Variants in CCDC148 observed in about 807,000 individuals in gnomAD.
CCDC148 encodes the protein coiled-coil domain containing 148.
Under a neutral mutation model 85.7 loss-of-function variants are expected in CCDC148, and 89 were observed. That is an observed-to-expected ratio of 1.04 (90% CI 0.87 to 1.24). The LOEUF (loss-of-function observed/expected upper bound fraction) is 1.24, where lower values mean the gene tolerates loss of function less well. Among genes scored for constraint, CCDC148 ranks in the 50% most tolerant of loss-of-function variants. The pLI is 0.00. For missense variants in CCDC148, 692 were observed against 671.7 expected (o/e 1.03, Z -0.33); for synonymous variants, 230 against 213.9 (o/e 1.08, Z -0.66).
At chr2:158,409,470 G>A (rs1686166864) in intron 1 of CCDC148, among the ~76,000 whole-genome samples, 1 of 152,208 alleles carries the variant, frequency 6.6e-6, no homozygotes, top group African/African-American at 2.4e-5. Flanking sequence ...TGCCCCGCTG[G>A]ATTTCAGACT....
intron 11 of CCDC148, among the ~76,000 whole-genome samples, chr2:158,210,707 G>T (rs547096158): frequency 6.6e-6 from 1 of 150,424 alleles, no homozygotes; most frequent in East Asian, 2.0e-4. Flanking sequence ...ACTTTGGGAG[G>T]CCGAGGCAGG....
chr2:158,334,994 C>T (rs888663591), intron 7 of CCDC148, among the ~76,000 whole-genome samples: 26 of 152,034 alleles, frequency 1.7e-4, no homozygotes, highest in Non-Finnish European at 3.1e-4. Flanking sequence ...TATTGAATTA[C>T]GGATGTTTTT....
At chr2:158,198,664 C>CT (rs997363463) in intron 11 of CCDC148, among the ~76,000 whole-genome samples, 12 of 151,456 alleles carry the variant, frequency 7.9e-5, no homozygotes, top group South Asian at 4.2e-4. Context: ...GCTTCAAGGT[C>CT]TTTTTTTTTC....
chr2:158,378,512 T>C (rs1383774834), intron 1 of CCDC148, among the ~76,000 whole-genome samples: 3 of 152,148 alleles, frequency 2.0e-5, no homozygotes, highest in Non-Finnish European at 4.4e-5. Context: ...CACTAAACAA[T>C]AGATTTTCAG....
chr2:158,444,941 A>G (rs1186829015), intron 1 of CCDC148, among the ~76,000 whole-genome samples: 1 of 152,126 alleles, frequency 6.6e-6, no homozygotes, highest in Non-Finnish European at 1.5e-5. Context: ...GTTAATGTAA[A>G]GTAGAAATAA....
chr2:158,358,617 T>C (rs1304143546), intron 1 of CCDC148, 47 bp from the exon 2 acceptor site: 1 of 1,361,812 alleles, frequency 7.3e-7, no homozygotes, highest in East Asian at 2.7e-5. Flanking sequence ...AATATCATGT[T>C]ATTGGAAGTC....
At chr2:158,399,448 C>A (rs1014910501) in intron 1 of CCDC148, among the ~76,000 whole-genome samples, 1 of 152,080 alleles carries the variant, frequency 6.6e-6, no homozygotes, top group Non-Finnish European at 1.5e-5. Context: ...CAGATTCATC[C>A]CTGGGATGCA....
At chr2:158,299,418 A>G (rs1255675663) in intron 9 of CCDC148, among the ~76,000 whole-genome samples, 1 of 152,104 alleles carries the variant, frequency 6.6e-6, no homozygotes, top group East Asian at 1.9e-4. Flanking sequence ...CCCAAATTGT[A>G]TTTGCCTTTG....
At chr2:158,309,737 A>G in intron 8 of CCDC148, 98 bp from the exon 9 acceptor site, 1 of 894,456 alleles carries the variant, frequency 1.1e-6, no homozygotes, top group Non-Finnish European at 1.7e-6. Context: ...ATTATAACCA[A>G]TGATTTTGAA....
intron 1 of CCDC148, among the ~76,000 whole-genome samples, chr2:158,412,112 G>A (rs1686286714): frequency 6.6e-6 from 1 of 152,160 alleles, no homozygotes; most frequent in South Asian, 2.1e-4. Flanking sequence ...GGTCCTGATG[G>A]TGACAACTAC....
chr2:158,351,682 T>A (rs1683303034), intron 2 of CCDC148, among the ~76,000 whole-genome samples: 1 of 152,016 alleles, frequency 6.6e-6, no homozygotes, highest in Non-Finnish European at 1.5e-5. Context: ...CTTGATTAGG[T>A]AAACAAAGCA....
chr2:158,203,700 A>C (rs1686085740), intron 11 of CCDC148, among the ~76,000 whole-genome samples: 1 of 152,224 alleles, frequency 6.6e-6, no homozygotes, highest in Non-Finnish European at 1.5e-5. Context: ...AAGGAATTAA[A>C]AAAAGGAAAA....
At chr2:158,406,641 G>GTTTTTGTTTTTTTTTTTA (rs1466275410) in intron 1 of CCDC148, among the ~76,000 whole-genome samples, 1 of 12,194 alleles carries the variant, frequency 8.2e-5, no homozygotes, top group African/African-American at 3.1e-4. Flanking sequence ...TTTTTTTTTT[G>GTTTTTGTTTTTTTTTTTA]AGACAGTGTC....
At chr2:158,369,708 T>C (rs1016470708) in intron 1 of CCDC148, among the ~76,000 whole-genome samples, 2 of 152,132 alleles carry the variant, frequency 1.3e-5, no homozygotes, top group African/African-American at 2.4e-5. Context: ...CAATACTATG[T>C]TGAACAGGAG....
intron 1 of CCDC148, among the ~76,000 whole-genome samples, chr2:158,444,831 A>G (rs1688094378): frequency 6.6e-6 from 1 of 151,590 alleles, no homozygotes; most frequent in South Asian, 2.1e-4. Flanking sequence ...AAGTTGATAA[A>G]ATGCTGGTGA....
At chr2:158,181,808 G>A (rs938536732) in intron 11 of CCDC148, among the ~76,000 whole-genome samples, 1 of 152,008 alleles carries the variant, frequency 6.6e-6, no homozygotes, top group Non-Finnish European at 1.5e-5. Context: ...GGGCTGGACT[G>A]TGGGGGTTTT....
In CCDC148 at chr2:158,443,515, A is replaced by AAAAAAAAAGAAAAGAAAAG. The variant is rs1553524472; in HGVS notation, c.25+12899_25+12900insCTTTTCTTTTCTTTTTTTT. ...CAAGTCTATCTCAAAAAAAAAAAAA[A>AAAAAAAAAGAAAAGAAAAG]AAAAAAAAGAAAAGGAAAAAAAGTG... On this transcript the variant is annotated intron_variant, in intron 1 of 13. Transcript: ENST00000283233. Among the ~76,000 whole-genome samples the AAAAAAAAAGAAAAGAAAAG allele has an allele frequency of 5.6e-3, 565 of 100,764 alleles. 2 individuals are homozygous for AAAAAAAAAGAAAAGAAAAG. Among genetic ancestry groups the AAAAAAAAAGAAAAGAAAAG allele is most frequent in the South Asian group, 0.01 (30 of 2,906 alleles). 66.1% of individuals were successfully genotyped at this position (100,764 alleles called of 152,430 possible). A position where few individuals can be genotyped will look rare whatever the true frequency, so the allele number is the denominator to read the frequency against.
rs1235582019 is a variant in CCDC148, at chr2:158,370,894, T to TA, written c.26-12325dup. ...ACTACCAAAGTTGATTACGGGAAAT[T>TA]AAAAAAAAAAATTGAACAGAAAGAA... On this transcript the variant is annotated intron_variant, in intron 1 of 13. Transcript: ENST00000283233. 4.3e-3 allele frequency among the ~76,000 whole-genome samples: 636 copies of TA among 147,292 alleles called. 2 individuals are homozygous for TA. Among genetic ancestry groups the TA allele is most frequent in the African/African-American group, 0.01 (415 of 40,514 alleles).
rs189492235 is a variant in CCDC148 at position 158,424,338 on chromosome 2, C to A, written c.25+32077G>T. On this transcript the variant is annotated intron_variant, in intron 1 of 13. Transcript: ENST00000283233. ...AACCCAAATGTCCATCAATGATAGA[C>A]TGGATTAAGAAAATGTGGCACATAT... Among the ~76,000 whole-genome samples, 532 of 152,168 alleles carry A rather than the reference C, an allele frequency of 3.5e-3. 2 individuals carry two copies. The highest frequency in any genetic ancestry group is 0.014 in the Middle Eastern group (4 of 294).
Sources: allele counts gnomAD v4.1 joint callset (sites outside exome capture counted in the v4.1 genomes callset), GRCh38; gene constraint gnomAD v4.1.1; transcripts MANE v1.5; gene names NCBI Gene and HGNC (gene_info 2026-07-23, HGNC 2026-07-21).